The following TBC1D14 variants were observed in gnomAD, a reference collection of about 807,000 sequenced individuals.
TBC1D14 encodes the protein TBC1 domain family member 14, also known as TBC1 domain family, member 14.
Under a neutral mutation model 79.0 loss-of-function variants are expected in TBC1D14, and 26 were observed. The ratio of observed to expected loss-of-function variants is 0.33; its 90% CI spans 0.24 to 0.46. The LOEUF (loss-of-function observed/expected upper bound fraction) is 0.46. TBC1D14 is among the 20% of genes least tolerant of loss of function. The pLI is 1.00. For missense variants in TBC1D14, 769 were observed against 887.6 expected (o/e 0.87, Z 1.70); for synonymous variants, 394 against 349.9 (o/e 1.13, Z -1.40).
At chr4:6,954,437 G>C (rs560069328) in intron 2 of TBC1D14, 6 of 714,300 alleles carry the variant, frequency 8.4e-6, no homozygotes, top group Non-Finnish European at 1.6e-5. Flanking sequence ...TGTGACCGTC[G>C]GCCTTGGTTG....
intron 3 of TBC1D14, chr4:6,987,284 G>T (rs1717957857): frequency 1.5e-6 from 2 of 1,345,324 alleles, no homozygotes; most frequent in Admixed American, 3.2e-5. Flanking sequence ...GAGGGAGGGA[G>T]GCCGGCCCTC....
intron 3 of TBC1D14, among the ~76,000 whole-genome samples, chr4:6,989,676 G>A (rs776652299): frequency 2.6e-5 from 4 of 152,174 alleles, no homozygotes; most frequent in African/African-American, 7.2e-5. Flanking sequence ...TGCCAGGCCC[G>A]CGTGGTCCCT....
rs1721992238 is a variant in TBC1D14, at chr4:7,023,116, T to C, written c.1758-1888T>C. On this transcript the variant is annotated intron_variant, in intron 12 of 13. Coordinates refer to ENST00000409757, the MANE Select transcript of TBC1D14 (RefSeq NM_020773.3). The stretch of plus-strand genomic sequence containing the variant: ...TAAAAATACAAAAATTAGCCGGGCA[T>C]GGTCGTGGACGCCTGTAATCCCAGC... Among the ~76,000 whole-genome samples, 3 of 152,234 alleles carry C rather than the reference T, an allele frequency of 2.0e-5. No homozygotes were observed. The South Asian group carries it at 6.2e-4, about 32-fold the overall frequency.
At chr4:7,007,973 C>T (rs546467965) in intron 9 of TBC1D14, among the ~76,000 whole-genome samples, 14 of 152,294 alleles carry the variant, frequency 9.2e-5, no homozygotes, top group Non-Finnish European at 1.6e-4. Context: ...TGATTTCAAA[C>T]AAATTTGGGC....
rs35439827 is a variant in TBC1D14 at position 7,012,301 on chromosome 4, C to CAA, written c.1647+1538_1647+1539dup. On this transcript the variant is annotated intron_variant, in intron 11 of 13. Transcript: ENST00000409757. The stretch of plus-strand genomic sequence containing the variant: ...TGGGCGACAGAGCGAGACCCCATCT[C>CAA]AAAAAAAAAAAAAAAAAAAGTTGTT... Among the ~76,000 whole-genome samples the CAA allele has an allele frequency of 3.7e-3, 449 of 121,976 alleles. 5 individuals carry two copies. Among genetic ancestry groups the CAA allele is most frequent in the African/African-American group, 0.012 (413 of 33,408 alleles). The allele number at this position is 121,976 out of a possible 152,430, so 80.0% of individuals were successfully genotyped here.
At position 6,923,620 on chromosome 4, in the gene TBC1D14, G is replaced by A. The variant is rs763687892; in HGVS notation, c.231G>A (p.Glu77=). ...CTACCCTGGAGATCGGGAACCCGGAGCCTGTACCCTGCAGCGCGGTCCACG... is the reference window on the plus strand; with the variant it reads ...CTACCCTGGAGATCGGGAACCCGGAACCTGTACCCTGCAGCGCGGTCCACG... ...GIPTLEIGNP[E]PVPCSAVHVR... The change falls in exon 2 of 14, where the codon GAG becomes GAA. Residue 77 remains glutamate (E), a synonymous_variant. Transcript: ENST00000409757. 1.2e-5 allele frequency: 19 copies of A among 1,613,850 alleles called. No homozygotes were observed. The highest frequency in any genetic ancestry group is 4.5e-5 in the East Asian group (2 of 44,892).
Position 6,994,161 on chromosome 4 carries a change from C to T in TBC1D14, c.844-23C>T, listed in dbSNP as rs762728251. ...CATCCTATCTGAAAGGACCTGGAGT[C>T]ATCCCTGGTTTCTTTGTCCTAGGAA... On this transcript the variant is annotated intron_variant, in intron 3 of 13. Coordinates refer to ENST00000409757, the MANE Select transcript of TBC1D14 (RefSeq NM_020773.3). The T allele has an allele frequency of 3.2e-6, 5 of 1,584,514 alleles. No individual in the cohort carries two copies. In the African/African-American group the frequency reaches 4.0e-5, roughly 13 times the overall value.
intron 2 of TBC1D14, among the ~76,000 whole-genome samples, chr4:6,937,749 G>A (rs953323874): frequency 7.9e-5 from 12 of 152,310 alleles, no homozygotes; most frequent in African/African-American, 2.6e-4. Flanking sequence ...TCAGGGACGT[G>A]TGAGGGTGAT....
chr4:7,005,697 TAA>T (rs113048318), intron 8 of TBC1D14, among the ~76,000 whole-genome samples: 7 of 142,112 alleles, frequency 4.9e-5, no homozygotes, highest in African/African-American at 7.7e-5. Flanking sequence ...AGACTCCCTC[TAA>T]AAAAAAAAAA....
intron 7 of TBC1D14, among the ~76,000 whole-genome samples, chr4:7,004,390 C>T (rs2109217726): frequency 6.6e-6 from 1 of 152,346 alleles, no homozygotes; most frequent in South Asian, 2.1e-4. Flanking sequence ...CATGTCCTTT[C>T]TTGAAACCCA....
At chr4:6,915,044 C>G (rs896953236) in intron 1 of TBC1D14, among the ~76,000 whole-genome samples, 1 of 151,990 alleles carries the variant, frequency 6.6e-6, no homozygotes, top group Non-Finnish European at 1.5e-5. Flanking sequence ...GTCTCAGAAA[C>G]AAAACAAAAA....
chr4:6,933,289 C>A lies in TBC1D14; in HGVS notation c.722+9178C>A. On this transcript the variant is annotated intron_variant, in intron 2 of 13. Transcript: ENST00000409757. ...CTCCCTTCCCCTCCCCCTTCCCCTT[C>A]CCCTTCCCCTTCCCCTTCCCCTTCC... 5.9e-5 allele frequency among the ~76,000 whole-genome samples: 2 copies of A among 33,972 alleles called. 1 individual carries two copies. The highest frequency in any genetic ancestry group is 2.1e-4 in the African/African-American group (2 of 9,316). 22.3% of individuals were successfully genotyped at this position (33,972 alleles called of 152,430 possible). A position where few individuals can be genotyped will look rare whatever the true frequency, so the allele number is the denominator to read the frequency against.
chr4:6,967,157 CTG>C, intron 2 of TBC1D14, 145 bp from the exon 3 acceptor site: 3 of 1,113,880 alleles, frequency 2.7e-6, no homozygotes, highest in Non-Finnish European at 3.8e-6. Flanking sequence ...CCGCGTAATT[CTG>C]TGTCTGTATG....
chr4:7,015,792 C>T (rs1367309139), intron 12 of TBC1D14, among the ~76,000 whole-genome samples: 1 of 152,160 alleles, frequency 6.6e-6, no homozygotes, highest in African/African-American at 2.4e-5. Flanking sequence ...CGGCTGAGCT[C>T]CCAGTTCCTT....
At chr4:6,939,552 G>A (rs1712701652) in intron 2 of TBC1D14, among the ~76,000 whole-genome samples, 1 of 152,156 alleles carries the variant, frequency 6.6e-6, no homozygotes, top group African/African-American at 2.4e-5. Context: ...ATCTGCCCGA[G>A]GACCCGGTCC....
At chr4:6,935,309 A>G (rs115392264) in intron 2 of TBC1D14, among the ~76,000 whole-genome samples, 1,804 of 152,190 alleles carry the variant, frequency 0.012, 16 homozygotes, top group Middle Eastern at 0.037. Context: ...AAAACAACCT[A>G]GTAAGAGAAT....
intron 3 of TBC1D14, among the ~76,000 whole-genome samples, chr4:6,991,360 G>A (rs777285291): frequency 4.6e-5 from 7 of 152,154 alleles, no homozygotes; most frequent in African/African-American, 1.2e-4. Flanking sequence ...GAACCCCAGC[G>A]CGTGGCCTGT....
chr4:7,005,034 C>A (rs1720037392), intron 8 of TBC1D14, 110 bp downstream of exon 8: 6 of 966,690 alleles, frequency 6.2e-6, no homozygotes, highest in Non-Finnish European at 7.8e-6. Context: ...GTTGTGGAGT[C>A]ATAAAAAGCT....
At chr4:6,954,357 G>T (rs1215634401) in intron 2 of TBC1D14, 2 of 715,172 alleles carry the variant, frequency 2.8e-6, no homozygotes, top group Non-Finnish European at 5.2e-6. Flanking sequence ...CTGCTTTCTT[G>T]CCTTTCTTGC....
Sources: allele counts gnomAD v4.1 joint callset (sites outside exome capture counted in the v4.1 genomes callset), GRCh38; gene constraint gnomAD v4.1.1; transcripts MANE v1.5; gene names NCBI Gene and HGNC (gene_info 2026-07-23, HGNC 2026-07-21).